The following KPNA4 variants were observed in gnomAD, a reference collection of about 807,000 sequenced individuals.
The protein encoded by KPNA4 is karyopherin subunit alpha 4, also known as importin subunit alpha-3.
Under a neutral mutation model 71.3 loss-of-function variants are expected in KPNA4, and 13 were observed. The observed-to-expected ratio is 0.18, with a 90% CI of 0.12 to 0.29. The LOEUF (loss-of-function observed/expected upper bound fraction) is 0.29, where lower values mean the gene tolerates loss of function less well. Among genes scored for constraint, KPNA4 ranks in the 10% least tolerant of loss-of-function variants. The pLI is 1.00. For synonymous variants in KPNA4, 189 were observed against 195.2 expected (o/e 0.97, Z 0.26); for missense variants, 334 against 603.2 (o/e 0.55, Z 4.67).
At chr3:160,527,878 G>A in intron 8 of KPNA4, 75 bp downstream of exon 8, 2 of 1,098,330 alleles carry the variant, frequency 1.8e-6, no homozygotes, top group South Asian at 2.9e-5. Flanking sequence ...TTCTCTTTTG[G>A]ATTACTAGTA....
At chr3:160,544,902 C>G (rs1197527522) in intron 1 of KPNA4, among the ~76,000 whole-genome samples, 1 of 152,040 alleles carries the variant, frequency 6.6e-6, no homozygotes, top group Non-Finnish European at 1.5e-5. Flanking sequence ...AACTCAAACT[C>G]ATGGTTTTCT....
chr3:160,544,449 T>C (rs1226910215), intron 1 of KPNA4, among the ~76,000 whole-genome samples: 1 of 152,196 alleles, frequency 6.6e-6, no homozygotes, highest in Non-Finnish European at 1.5e-5. Flanking sequence ...AGGAAGGTAC[T>C]CTAAGATTAA....
At chr3:160,517,432 AATTTTTGT>A (rs1321282192) in intron 11 of KPNA4, among the ~76,000 whole-genome samples, 1 of 152,028 alleles carries the variant, frequency 6.6e-6, no homozygotes, top group Non-Finnish European at 1.5e-5. Context: ...CTTGTGTATA[AATTTTTGT>A]GTGGATATGC....
intron 6 of KPNA4, 131 bp from the exon 7 acceptor site, chr3:160,531,071 A>AT (rs1166207138): frequency 7.7e-6 from 5 of 648,078 alleles, no homozygotes; most frequent in Admixed American, 3.1e-5. Flanking sequence ...CATCCAGCAT[A>AT]TTTTTTTAAC....
intron 10 of KPNA4, among the ~76,000 whole-genome samples, chr3:160,525,549 T>C (rs1480098044): frequency 6.6e-6 from 1 of 152,144 alleles, no homozygotes; most frequent in African/African-American, 2.4e-5. Flanking sequence ...ACATACAATA[T>C]TGTCCACACC....
intron 1 of KPNA4, among the ~76,000 whole-genome samples, chr3:160,553,026 A>T (rs1722072491): frequency 2.0e-5 from 3 of 152,196 alleles, no homozygotes; most frequent in African/African-American, 7.2e-5. Flanking sequence ...AGGTTATTTT[A>T]TGAACTGGAG....
intron 10 of KPNA4, among the ~76,000 whole-genome samples, chr3:160,523,607 TG>T (rs1168309846): frequency 6.6e-6 from 1 of 152,070 alleles, no homozygotes; most frequent in East Asian, 1.9e-4. Flanking sequence ...CCCAGCACTT[TG>T]GGGGGCCAAG....
At chr3:160,564,997 G>T (rs557744274) in intron 1 of KPNA4, among the ~76,000 whole-genome samples, 16 of 149,578 alleles carry the variant, frequency 1.1e-4, no homozygotes, top group African/African-American at 3.6e-4. Context: ...AGGCCGCGCC[G>T]GCCGTACCCG....
chr3:160,495,384 A>C lies in KPNA4; in HGVS notation c.*6720T>G, dbSNP rs1015528367. On this transcript the variant is annotated 3_prime_UTR_variant, in exon 17 of 17. Coordinates refer to ENST00000334256, the MANE Select transcript of KPNA4 (RefSeq NM_002268.5). ...TATTTTCTTGCTCCCTGCAGCTGAG[A>C]ATTGCAAAAAGAAAACAGGGATAGA... 5 of 152,256 alleles carry C rather than the reference A, an allele frequency of 3.3e-5. No homozygotes were observed. Among genetic ancestry groups the C allele is most frequent in the African/African-American group, 1.2e-4 (5 of 41,536 alleles). 9.4% of individuals were successfully genotyped at this position (152,256 alleles called of 1,614,324 possible). A position where few individuals can be genotyped will look rare whatever the true frequency, so the allele number is the denominator to read the frequency against.
chr3:160,514,262 C>T (rs1721158089), intron 12 of KPNA4, 81 bp from the exon 13 acceptor site: 5 of 898,920 alleles, frequency 5.6e-6, no homozygotes, highest in Non-Finnish European at 8.3e-6. Flanking sequence ...ATTCACTACA[C>T]TGTCCCAATG....
chr3:160,497,088 C>G lies in KPNA4; in HGVS notation c.*5016G>C, dbSNP rs543564941. 11 of 152,290 alleles carry G rather than the reference C, an allele frequency of 7.2e-5. No homozygotes were observed. Among genetic ancestry groups the G allele is most frequent in the African/African-American group, 2.6e-4 (11 of 41,554 alleles). 9.4% of individuals were successfully genotyped at this position (152,290 alleles called of 1,614,324 possible). ...TTCTGATCACACTAGAATAGTTTTA[C>G]CAATGTTCATTATTTTTCAACTTCC... On this transcript the variant is annotated 3_prime_UTR_variant, in exon 17 of 17. Transcript: ENST00000334256.
chr3:160,556,902 A>G (rs1304806146), intron 1 of KPNA4, among the ~76,000 whole-genome samples: 13 of 152,256 alleles, frequency 8.5e-5, no homozygotes, highest in Non-Finnish European at 1.5e-5. Flanking sequence ...ACATCTCCAC[A>G]TAATATTCAA....
intron 11 of KPNA4, among the ~76,000 whole-genome samples, chr3:160,521,103 T>C (rs1203856097): frequency 6.6e-6 from 1 of 152,118 alleles, no homozygotes; most frequent in Non-Finnish European, 1.5e-5. Context: ...AGTACCCTTA[T>C]TTCAGCACCA....
intron 1 of KPNA4, among the ~76,000 whole-genome samples, chr3:160,537,871 C>T (rs1017087146): frequency 6.6e-6 from 1 of 151,840 alleles, no homozygotes; most frequent in African/African-American, 2.4e-5. Flanking sequence ...GCCTCCTCTG[C>T]TACTATTCTG....
chr3:160,525,654 CTAATA>C (rs1289512976), intron 10 of KPNA4, 141 bp downstream of exon 10: 12 of 365,362 alleles, frequency 3.3e-5, no homozygotes, highest in Non-Finnish European at 5.0e-5. Context: ...AATAACTAAT[CTAATA>C]TAAAATAACT....
chr3:160,533,540 A>C lies in KPNA4; in HGVS notation c.287+1973T>G, dbSNP rs564945961. 4.6e-5 allele frequency among the ~76,000 whole-genome samples: 7 copies of C among 152,174 alleles called. No homozygotes were observed. In the South Asian group the frequency reaches 1.2e-3, roughly 27 times the overall value. On this transcript the variant is annotated intron_variant, in intron 5 of 16. Transcript: ENST00000334256. ...TCAAGGGTCAAAATTTAATTTAAAAAATTTTTTTTACACTTCACTGAGGAT... is the reference window on the plus strand; with the variant it reads ...TCAAGGGTCAAAATTTAATTTAAAACATTTTTTTTACACTTCACTGAGGAT...
intron 5 of KPNA4, among the ~76,000 whole-genome samples, chr3:160,533,156 T>C (rs1005348857): frequency 5.9e-5 from 9 of 152,090 alleles, no homozygotes; most frequent in African/African-American, 2.2e-4. Flanking sequence ...CCCAAGTAGC[T>C]GGGATTACAG....
At chr3:160,551,978 T>C (rs942894277) in intron 1 of KPNA4, among the ~76,000 whole-genome samples, 1 of 142,974 alleles carries the variant, frequency 7.0e-6, no homozygotes, top group African/African-American at 2.5e-5. Context: ...ATCTAGTAAG[T>C]AGAGGCCACA....
chr3:160,524,949 C>A (rs543208025), intron 10 of KPNA4, among the ~76,000 whole-genome samples: 1 of 152,320 alleles, frequency 6.6e-6, no homozygotes, highest in East Asian at 1.9e-4. Context: ...GGTCACCATG[C>A]CAAACTGTTT....
Sources: allele counts gnomAD v4.1 joint callset (sites outside exome capture counted in the v4.1 genomes callset), GRCh38; gene constraint gnomAD v4.1.1; transcripts MANE v1.5; gene names NCBI Gene and HGNC (gene_info 2026-07-23, HGNC 2026-07-21).